NAPB: variants seen among roughly 807,000 people sequenced by gnomAD.
NAPB encodes the protein beta-soluble NSF attachment protein.
A neutral mutation model predicts 44.7 loss-of-function variants in NAPB; 26 were observed. The observed-to-expected ratio is 0.58, with a 90% CI of 0.43 to 0.81. The LOEUF (loss-of-function observed/expected upper bound fraction) is 0.81, where lower values mean the gene tolerates loss of function less well. Among genes scored for constraint, NAPB ranks in the 30% least tolerant of loss-of-function variants. NAPB has a pLI of 0.00. For synonymous variants in NAPB, 120 were observed against 116.8 expected (o/e 1.03, Z -0.18); for missense variants, 315 against 356.4 (o/e 0.88, Z 0.94).
chr20:23,383,660 T>C (rs893333410), intron 7 of NAPB, among the ~76,000 whole-genome samples: 1 of 152,226 alleles, frequency 6.6e-6, no homozygotes, highest in Non-Finnish European at 1.5e-5. Flanking sequence ...TAAGAAAATT[T>C]GTTGTCAGCA....
intron 2 of NAPB, among the ~76,000 whole-genome samples, chr20:23,398,309 C>G (rs1441582034): frequency 6.6e-6 from 1 of 152,094 alleles, no homozygotes; most frequent in African/African-American, 2.4e-5. Context: ...TATCATAAAG[C>G]AGTACTCACT....
Position 23,389,951 on chromosome 20 carries a change from CAT to C in NAPB, c.554_555del (p.Tyr185Ter). The C allele has an allele frequency of 6.2e-7, 1 of 1,613,864 alleles. No individual in the cohort carries two copies. Among genetic ancestry groups the C allele is most frequent in the Non-Finnish European group, 8.5e-7 (1 of 1,179,814 alleles). ...LEQYQKAIEI[Y>X]EQVGANTMDN... ...GGAAACAACAGTATCCTCACCTGCT[CAT>C]AGATCTCAATGGCTTTCTGGTACTG... is the stretch of plus-strand genomic sequence containing the variant. On this transcript the variant is annotated frameshift_variant, in exon 7 of 11. Transcript: ENST00000377026. LOFTEE classifies it high-confidence loss of function.
chr20:23,377,093 AC>A lies in NAPB; in HGVS notation c.*282del, dbSNP rs947407059. Reference sequence around the variant, plus strand: ...CGTGGCAACATTAAACATAGGCTCCACAAATACCAATGAAATATGAGGAATG... The same window carrying A: ...CGTGGCAACATTAAACATAGGCTCCAAAATACCAATGAAATATGAGGAATG... On this transcript the variant is annotated 3_prime_UTR_variant, in exon 11 of 11. Coordinates refer to ENST00000377026, the MANE Select transcript of NAPB (RefSeq NM_022080.3). The A allele has an allele frequency of 1.9e-5, 4 of 210,256 alleles. No individual in the cohort carries two copies. In the East Asian group the frequency reaches 4.0e-4, roughly 21 times the overall value. The allele number at this position is 210,256 out of a possible 1,614,324, so 13.0% of individuals were successfully genotyped here. A position where few individuals can be genotyped will look rare whatever the true frequency, so the allele number is the denominator to read the frequency against.
At chr20:23,416,939 A>ATTTTCCC (rs1402081360) in intron 1 of NAPB, among the ~76,000 whole-genome samples, 2 of 152,246 alleles carry the variant, frequency 1.3e-5, no homozygotes, top group Non-Finnish European at 2.9e-5. Context: ...TAGATTCATA[A>ATTTTCCC]TTATTTCAAG....
chr20:23,380,996 G>C (rs1406625707), intron 8 of NAPB: 2 of 500,520 alleles, frequency 4.0e-6, no homozygotes, highest in Middle Eastern at 5.3e-4. Context: ...TGTGTTCAGG[G>C]TGGTATGGCT....
At chr20:23,394,901 G>A in intron 5 of NAPB, 21 bp downstream of exon 5, 1 of 1,608,208 alleles carries the variant, frequency 6.2e-7, no homozygotes, top group Non-Finnish European at 8.5e-7. Flanking sequence ...TCACATCTGA[G>A]GAAGTGTGCC....
At chr20:23,398,979 T>C (rs929604990) in intron 2 of NAPB, among the ~76,000 whole-genome samples, 3 of 149,846 alleles carry the variant, frequency 2.0e-5, no homozygotes, top group African/African-American at 4.9e-5. Context: ...CAGATGATTA[T>C]ACCTGGCCGT....
At chr20:23,386,722 C>T (rs1983556696) in intron 7 of NAPB, among the ~76,000 whole-genome samples, 2 of 152,190 alleles carry the variant, frequency 1.3e-5, no homozygotes, top group South Asian at 2.1e-4. Context: ...GTGCTGTTTA[C>T]ATAACTCCAC....
chr20:23,379,965 A>G, intron 8 of NAPB, 30 bp from the exon 9 acceptor site: 1 of 1,579,358 alleles, frequency 6.3e-7, no homozygotes, highest in Non-Finnish European at 8.7e-7. Flanking sequence ...CATCAATTTC[A>G]GACTTACTAA....
Position 23,395,121 on chromosome 20 carries a change from A to T in NAPB, c.342+18T>A. ...CAAGACTCCACCCCACAGCCACTCA[A>T]GCAATGCAATGTCTTACCATGTCTG... On this transcript the variant is annotated intron_variant, in intron 4 of 10. Coordinates refer to ENST00000377026, the MANE Select transcript of NAPB (RefSeq NM_022080.3). 1 of 1,614,174 alleles carries T rather than the reference A, an allele frequency of 6.2e-7. No homozygotes were observed. The highest frequency in any genetic ancestry group is 8.5e-7 in the Non-Finnish European group (1 of 1,179,996).
intron 1 of NAPB, 78 bp from the exon 2 acceptor site, chr20:23,403,150 A>C: frequency 9.9e-7 from 1 of 1,012,042 alleles, no homozygotes; most frequent in Non-Finnish European, 1.5e-6. Flanking sequence ...ATTAACATTT[A>C]GTATATACTT....
intron 5 of NAPB, among the ~76,000 whole-genome samples, chr20:23,393,541 G>C (rs962965839): frequency 2.0e-5 from 3 of 152,164 alleles, no homozygotes; most frequent in Non-Finnish European, 4.4e-5. Context: ...AGGTCCCAGA[G>C]TTCTGGGCTC....
chr20:23,410,999 C>T (rs1005596890), intron 1 of NAPB, among the ~76,000 whole-genome samples: 1 of 152,038 alleles, frequency 6.6e-6, no homozygotes, highest in Non-Finnish European at 1.5e-5. Context: ...AAGGGGAAAG[C>T]AGATTCTACT....
intron 1 of NAPB, among the ~76,000 whole-genome samples, chr20:23,410,743 C>CA (rs1985597307): frequency 6.6e-6 from 1 of 151,762 alleles, no homozygotes; most frequent in South Asian, 2.1e-4. Context: ...AAAAAAGCCC[C>CA]AAAACAAAAA....
intron 1 of NAPB, among the ~76,000 whole-genome samples, chr20:23,405,428 T>C (rs1305338671): frequency 6.6e-6 from 1 of 151,528 alleles, no homozygotes; most frequent in Non-Finnish European, 1.5e-5. Context: ...TTAATCATAA[T>C]AGCTAAAAAG....
intron 1 of NAPB, among the ~76,000 whole-genome samples, chr20:23,409,024 C>T (rs2123242843): frequency 6.6e-6 from 1 of 152,190 alleles, no homozygotes; most frequent in South Asian, 2.1e-4. Flanking sequence ...ATGCAGAAGC[C>T]CAAGGTATGG....
chr20:23,402,980 A>C lies in NAPB; in HGVS notation c.178+13T>G. ...CCATTTGCCTAAAAAGCAAACAAAA[A>C]CTTTGTACATACCACTCCAATTTTT... is the stretch of plus-strand genomic sequence containing the variant. On this transcript the variant is annotated intron_variant, in intron 2 of 10. Transcript: ENST00000377026. 6.2e-7 allele frequency: 1 copy of C among 1,606,352 alleles called. No homozygotes were observed. The highest frequency in any genetic ancestry group is 2.2e-5 in the East Asian group (1 of 44,806).
At chr20:23,398,108 C>A (rs148524408) in intron 2 of NAPB, among the ~76,000 whole-genome samples, 1 of 152,246 alleles carries the variant, frequency 6.6e-6, no homozygotes, top group East Asian at 1.9e-4. Context: ...CTGCATCAGG[C>A]CACTTCCCAG....
At chr20:23,405,675 G>A (rs1179516611) in intron 1 of NAPB, among the ~76,000 whole-genome samples, 1 of 152,170 alleles carries the variant, frequency 6.6e-6, no homozygotes, top group Non-Finnish European at 1.5e-5. Flanking sequence ...ACTGAGCCGA[G>A]ATAGTGTCAC....
Sources: allele counts gnomAD v4.1 joint callset (sites outside exome capture counted in the v4.1 genomes callset), GRCh38; gene constraint gnomAD v4.1.1; transcripts MANE v1.5; gene names NCBI Gene and HGNC (gene_info 2026-07-23, HGNC 2026-07-21).